The following ACADM variants were observed in gnomAD, a reference collection of about 807,000 sequenced individuals.
ACADM encodes acyl-CoA dehydrogenase medium chain.
Under a neutral mutation model 58.9 loss-of-function variants are expected in ACADM, and 49 were observed. The ratio of observed to expected loss-of-function variants is 0.83; its 90% CI spans 0.66 to 1.06. The LOEUF is 1.06. ACADM is among the 50% of genes least tolerant of loss of function. The pLI, the probability that ACADM is intolerant of heterozygous loss-of-function variation, is 0.00. For missense variants in ACADM, 496 were observed against 507.0 expected, an observed-to-expected ratio of 0.98 and a Z score of 0.21; for synonymous variants, 160 against 157.7, an observed-to-expected ratio of 1.01 and a Z score of -0.11.
intron 10 of ACADM, among the ~76,000 whole-genome samples, chr1:75,755,367 C>A (rs1307082857): frequency 6.6e-6 from 1 of 152,170 alleles, no homozygotes; most frequent in African/African-American, 2.4e-5. Context: ...CCAGTAGGGG[C>A]CGATTGACAC....
intron 2 of ACADM, among the ~76,000 whole-genome samples, chr1:75,731,148 A>T (rs1647142006): frequency 6.6e-6 from 1 of 151,804 alleles, no homozygotes; most frequent in Non-Finnish European, 1.5e-5. Flanking sequence ...GCGCGGTGGC[A>T]GGCACCTGTA....
chr1:75,744,051 T>C, intron 7 of ACADM: 1 of 1,585,914 alleles, frequency 6.3e-7, no homozygotes, highest in South Asian at 1.1e-5. Flanking sequence ...GCACATGTAT[T>C]CTGGGCCTCC....
Position 75,750,521 on chromosome 1 carries a change from A to G in ACADM, c.920A>G (p.Lys307Arg). The G allele has an allele frequency of 6.2e-7, 1 of 1,612,150 alleles. No individual in the cohort carries two copies. The highest frequency in any genetic ancestry group is 8.5e-7 in the Non-Finnish European group (1 of 1,179,730). The change falls in exon 10 of 12, where the codon AAA (lysine) becomes AGA (arginine). Residue 307 changes from lysine to arginine, a missense_variant. Physicochemically the swap from Lys to Arg is conservative, Grantham distance 26. Coordinates refer to ENST00000370841, the MANE Select transcript of ACADM (RefSeq NM_000016.6). ...GCTACCAAGTATGCCCTGGAAAGGA[A>G]AACTTTCGGAAAGCTACTTGTAGAG... ...DEATKYALER[K>R]TFGKLLVEHQ... is the part of the protein sequence containing the mutation.
intron 7 of ACADM, among the ~76,000 whole-genome samples, 170 bp downstream of exon 7, chr1:75,740,280 C>T (rs1398660710): frequency 6.6e-6 from 1 of 152,032 alleles, no homozygotes; most frequent in Non-Finnish European, 1.5e-5. Context: ...AATTTTAAGC[C>T]CCTGCACTGT....
At chr1:75,734,012 T>TTC (rs1647194561) in intron 5 of ACADM, among the ~76,000 whole-genome samples, 1 of 152,110 alleles carries the variant, frequency 6.6e-6, no homozygotes, top group Non-Finnish European at 1.5e-5. Context: ...ATTCTTTTTT[T>TTC]TCTCACTCTG....
intron 1 of ACADM, among the ~76,000 whole-genome samples, chr1:75,725,899 T>G (rs1647047477): frequency 6.6e-6 from 1 of 152,234 alleles, no homozygotes; most frequent in African/African-American, 2.4e-5. Flanking sequence ...AATATGGTTG[T>G]GGAACCTAGA....
chr1:75,737,976 G>T (rs1401370338), intron 6 of ACADM, among the ~76,000 whole-genome samples: 1 of 152,094 alleles, frequency 6.6e-6, no homozygotes, highest in Non-Finnish European at 1.5e-5. Flanking sequence ...GAGTGCAGTG[G>T]TGTGATCTTG....
intron 5 of ACADM, 143 bp downstream of exon 5, chr1:75,733,771 A>G (rs1263853048): frequency 1.4e-6 from 1 of 695,416 alleles, no homozygotes; most frequent in African/African-American, 1.8e-5. Context: ...AGTTTTCTTT[A>G]AAGAGGAACA....
intron 6 of ACADM, among the ~76,000 whole-genome samples, chr1:75,737,524 T>G (rs1647338592): frequency 6.6e-6 from 1 of 151,978 alleles, no homozygotes; most frequent in East Asian, 1.9e-4. Context: ...ATTTTGGTAC[T>G]TAAAAGGGGC....
intron 4 of ACADM, 194 bp from the exon 5 acceptor site, chr1:75,733,334 A>T (rs990675477): frequency 7.4e-6 from 8 of 1,086,272 alleles, no homozygotes; most frequent in African/African-American, 3.2e-5. Context: ...TAGTAAAATA[A>T]TTTTTTGAAA....
chr1:75,739,309 C>G (rs1056315574), intron 6 of ACADM, among the ~76,000 whole-genome samples: 1 of 152,146 alleles, frequency 6.6e-6, no homozygotes, highest in African/African-American at 2.4e-5. Flanking sequence ...GTGAAAATCT[C>G]TAGGACTGAA....
chr1:75,737,288 A>ACATATATATG (rs1557448370), intron 6 of ACADM, among the ~76,000 whole-genome samples: 2 of 73,194 alleles, frequency 2.7e-5, no homozygotes, highest in African/African-American at 6.4e-5. Context: ...AAATATATAT[A>ACATATATATG]TATATATATA....
chr1:75,727,162 CTG>C (rs1647069375), intron 1 of ACADM, among the ~76,000 whole-genome samples: 1 of 152,066 alleles, frequency 6.6e-6, no homozygotes, highest in Non-Finnish European at 1.5e-5. Flanking sequence ...TTTTCATACT[CTG>C]TATGTTTTTA....
chr1:75,731,089 C>T (rs752011084), intron 2 of ACADM, among the ~76,000 whole-genome samples: 5 of 151,144 alleles, frequency 3.3e-5, no homozygotes, highest in Non-Finnish European at 7.4e-5. Flanking sequence ...GATCGAGATC[C>T]TGGTGAAACC....
chr1:75,745,998 C>A, intron 8 of ACADM, 84 bp downstream of exon 8: 1 of 966,526 alleles, frequency 1.0e-6, no homozygotes, highest in Non-Finnish European at 1.6e-6. Context: ...TTAATAAAAA[C>A]ATTTGTTTGT....
At chr1:75,741,290 T>C (rs1464630857) in intron 7 of ACADM, among the ~76,000 whole-genome samples, 1 of 152,184 alleles carries the variant, frequency 6.6e-6, no homozygotes, top group Admixed American at 6.5e-5. Flanking sequence ...GTTACTTAGA[T>C]TAAACATATC....
chr1:75,742,757 CCTT>C (rs1224659329), intron 7 of ACADM, among the ~76,000 whole-genome samples: 2 of 152,098 alleles, frequency 1.3e-5, no homozygotes, highest in South Asian at 2.1e-4. Flanking sequence ...CCTGGGCTCT[CCTT>C]CTATGATGAT....
At chr1:75,737,210 A>T (rs985798342) in intron 6 of ACADM, among the ~76,000 whole-genome samples, 2 of 146,174 alleles carry the variant, frequency 1.4e-5, no homozygotes, top group Non-Finnish European at 3.0e-5. Flanking sequence ...AGGCAGGAGG[A>T]TCGCTTGAGG....
At chr1:75,752,103 C>T (rs1648240767) in intron 10 of ACADM, among the ~76,000 whole-genome samples, 1 of 151,740 alleles carries the variant, frequency 6.6e-6, no homozygotes, top group African/African-American at 2.4e-5. Context: ...CCACCTCAGC[C>T]TCCTAAATAA....
Sources: allele counts gnomAD v4.1 joint callset (sites outside exome capture counted in the v4.1 genomes callset), GRCh38; gene constraint gnomAD v4.1.1; transcripts MANE v1.5; gene names NCBI Gene and HGNC (gene_info 2026-07-23, HGNC 2026-07-21).